SMOX: variants seen among roughly 807,000 people sequenced by gnomAD.
SMOX encodes the protein spermine oxidase.
A neutral mutation model predicts 51.0 loss-of-function variants in SMOX; 22 were observed. That is an observed-to-expected ratio of 0.43 (90% CI 0.31 to 0.62). SMOX has a LOEUF of 0.62. SMOX is among the 20% of genes least tolerant of loss of function. The probability of loss-of-function intolerance (pLI) is 0.10; values close to 1 mark genes in which losing one functional copy is unlikely to be tolerated. For missense variants in SMOX, 566 were observed against 777.7 expected, an observed-to-expected ratio of 0.73 and a Z score of 3.24; for synonymous variants, 282 against 307.8, an observed-to-expected ratio of 0.92 and a Z score of 0.88.
chr20:4,184,033 A>G (rs1184096764), intron 6 of SMOX, among the ~76,000 whole-genome samples: 1 of 151,756 alleles, frequency 6.6e-6, no homozygotes, highest in East Asian at 1.9e-4. Context: ...AGGCTGGGGT[A>G]TAGTGGTGTG....
At chr20:4,176,140 C>G (rs184403510) in intron 2 of SMOX, 1 of 151,830 alleles carries the variant, frequency 6.6e-6, no homozygotes, top group East Asian at 1.9e-4. Flanking sequence ...CCCGCCTCAG[C>G]CTCCGAAGTA....
Position 4,154,522 on chromosome 20 carries a change from C to T in SMOX, c.-27+5545C>T, listed in dbSNP as rs1985911961. 3.3e-5 allele frequency among the ~76,000 whole-genome samples: 5 copies of T among 152,076 alleles called. No individual in the cohort carries two copies. The South Asian group carries it at 1.0e-3, about 31-fold the overall frequency. ...TTCTGAGTAGCAGTAGCTGGGATTA[C>T]AGGTGCCCACCACCATCTTTAGTAG... On this transcript the variant is annotated intron_variant, in intron 1 of 6. Coordinates refer to ENST00000305958, the MANE Select transcript of SMOX (RefSeq NM_175839.3).
In SMOX at chr20:4,167,760, C is replaced by G. The variant is rs1394196127; in HGVS notation, c.-26-7270C>G. Among the ~76,000 whole-genome samples, 1 of 152,152 alleles carries G rather than the reference C, an allele frequency of 6.6e-6. No individual in the cohort carries two copies. The highest frequency in any genetic ancestry group is 1.5e-5 in the Non-Finnish European group (1 of 68,018). Reference sequence around the variant, plus strand: ...TGTTCCCCACACCTGTACCCCGATTCTCCCACCGTGGCAGCCCAGCCTGGC... The same window carrying G: ...TGTTCCCCACACCTGTACCCCGATTGTCCCACCGTGGCAGCCCAGCCTGGC... On this transcript the variant is annotated intron_variant, in intron 1 of 6. Transcript: ENST00000305958. The surrounding 1 kb of genome is among the most constrained non-coding windows in gnomAD (Gnocchi z 4.8).
At chr20:4,159,530 G>A (rs73076555) in intron 1 of SMOX, among the ~76,000 whole-genome samples, 26,201 of 152,118 alleles carry the variant, frequency 0.17, 2,554 homozygotes, top group East Asian at 0.39. Flanking sequence ...TGCCTCCTCT[G>A]TACTATGGGG....
chr20:4,180,627 T>C (rs1979249150), intron 3 of SMOX, among the ~76,000 whole-genome samples: 1 of 152,236 alleles, frequency 6.6e-6, no homozygotes. Flanking sequence ...CTTTATGCCC[T>C]GGACCCTGCC....
In SMOX at chr20:4,178,293, T is replaced by G. The variant is rs1979042256; in HGVS notation, c.435+716T>G. 5.3e-5 allele frequency among the ~76,000 whole-genome samples: 8 copies of G among 152,338 alleles called. No homozygotes were observed. In the South Asian group the frequency reaches 1.7e-3, roughly 32 times the overall value. ...ACTTCATGATCGGCCTACCTTGGCC[T>G]CCCAAAGTGCTGGGATTATAGGCGT... On this transcript the variant is annotated intron_variant, in intron 3 of 6. Transcript: ENST00000305958.
rs1985634251 is a variant in SMOX, at chr20:4,149,704, G to C, written c.-27+727G>C. Among the ~76,000 whole-genome samples, 1 of 152,218 alleles carries C rather than the reference G, an allele frequency of 6.6e-6. No individual in the cohort carries two copies. The highest frequency in any genetic ancestry group is 2.1e-4 in the South Asian group (1 of 4,832). ...CGAGGGCTCCTTTAGAGCAGTTGAG[G>C]GGCCCGCGGAGCTTGCGCCAGGGGG... On this transcript the variant is annotated intron_variant, in intron 1 of 6. Coordinates refer to ENST00000305958, the MANE Select transcript of SMOX (RefSeq NM_175839.3). The surrounding 1 kb of genome is among the most constrained non-coding windows in gnomAD (Gnocchi z 6.0).
chr20:4,179,975 CAA>C (rs1177711211), intron 3 of SMOX, among the ~76,000 whole-genome samples: 4 of 152,282 alleles, frequency 2.6e-5, no homozygotes, highest in South Asian at 4.1e-4. Flanking sequence ...GTGGCTGATG[CAA>C]AGAGTCATGT....
Position 4,150,892 on chromosome 20 carries a change from C to T in SMOX, c.-27+1915C>T, listed in dbSNP as rs562440540. Among the ~76,000 whole-genome samples the T allele has an allele frequency of 3.6e-5, 5 of 140,168 alleles. No homozygotes were observed. The South Asian group carries it at 9.0e-4, about 25-fold the overall frequency. The allele number at this position is 140,168 out of a possible 152,430, so 92.0% of individuals were successfully genotyped here. A position where few individuals can be genotyped will look rare whatever the true frequency, so the allele number is the denominator to read the frequency against. On this transcript the variant is annotated intron_variant, in intron 1 of 6. Transcript: ENST00000305958. ...TTTCGCCCAGGCTGGAGTGCAATGA[C>T]GTGATCTTGGCTCACCGCAACCTCC...
chr20:4,169,043 G>A (rs1431921901), intron 1 of SMOX, among the ~76,000 whole-genome samples: 2 of 151,958 alleles, frequency 1.3e-5, no homozygotes, highest in African/African-American at 4.8e-5. Flanking sequence ...GAACTCCCAG[G>A]CTCAAGCCAT....
Position 4,181,148 on chromosome 20 carries a change from G to A in SMOX, c.436-655G>A, listed in dbSNP as rs1979290542. On this transcript the variant is annotated intron_variant, in intron 3 of 6. Transcript: ENST00000305958. The surrounding 1 kb of genome is among the most constrained non-coding windows in gnomAD (Gnocchi z 5.6). ...GGAGTTCTTGCTGAAACGTGCCCGT[G>A]AAATGCATCTCCCTTCCTTGGCACA... 6.6e-6 allele frequency among the ~76,000 whole-genome samples: 1 copy of A among 152,164 alleles called. No homozygotes were observed. The highest frequency in any genetic ancestry group is 2.4e-5 in the African/African-American group (1 of 41,430).
rs945917399 is a variant in SMOX at position 4,167,258 on chromosome 20, C to T, written c.-26-7772C>T. Among the ~76,000 whole-genome samples, 1 of 152,068 alleles carries T rather than the reference C, an allele frequency of 6.6e-6. No homozygotes were observed. The highest frequency in any genetic ancestry group is 2.4e-5 in the African/African-American group (1 of 41,406). ...TCCAGCCTGATAGTAGGGTTGGGGC[C>T]AAGGTGAAGGCTGGGTTCTGAGCTC... is the stretch of plus-strand genomic sequence containing the variant. On this transcript the variant is annotated intron_variant, in intron 1 of 6. Coordinates refer to ENST00000305958, the MANE Select transcript of SMOX (RefSeq NM_175839.3). The surrounding 1 kb of genome is among the most constrained non-coding windows in gnomAD (Gnocchi z 4.8).
chr20:4,167,670 C>T lies in SMOX; in HGVS notation c.-26-7360C>T, dbSNP rs191741515. The stretch of plus-strand genomic sequence containing the variant: ...TAGAGATTGAGCTGGGGCCTGATTC[C>T]CAGGTCTGGGCCAGTGTTCTCTCCC... On this transcript the variant is annotated intron_variant, in intron 1 of 6. Transcript: ENST00000305958. This position sits in a 1 kb window ranked among gnomAD's most constrained non-coding sequence, Gnocchi z 4.8. 2.0e-4 allele frequency among the ~76,000 whole-genome samples: 31 copies of T among 152,178 alleles called. No individual in the cohort carries two copies. The highest frequency in any genetic ancestry group is 6.3e-4 in the African/African-American group (26 of 41,516).
chr20:4,175,353 C>A, intron 2 of SMOX, 90 bp downstream of exon 2: 1 of 1,418,414 alleles, frequency 7.1e-7, no homozygotes, highest in Non-Finnish European at 9.7e-7. Flanking sequence ...ATTATTTTAA[C>A]TTCTGGGATA....
intron 1 of SMOX, among the ~76,000 whole-genome samples, chr20:4,159,114 T>C (rs1054867940): frequency 2.0e-5 from 3 of 152,242 alleles, no homozygotes; most frequent in African/African-American, 4.8e-5. Flanking sequence ...TGAACTTGAC[T>C]TCTTCATTAG....
In SMOX at chr20:4,187,611, C is replaced by T. The variant is rs1022356551; in HGVS notation, c.*204C>T. Reference sequence around the variant, plus strand: ...GTGAGCAGGTGGGCCGTTGAGTTACCTCTGTGCTGGATCCCGTGCCCCCAC... The same window carrying T: ...GTGAGCAGGTGGGCCGTTGAGTTACTTCTGTGCTGGATCCCGTGCCCCCAC... On this transcript the variant is annotated 3_prime_UTR_variant, in exon 7 of 7. Transcript: ENST00000305958. This position sits in a 1 kb window ranked among gnomAD's most constrained non-coding sequence, Gnocchi z 4.8. 3.1e-6 allele frequency: 2 copies of T among 651,518 alleles called. No homozygotes were observed. The highest frequency in any genetic ancestry group is 5.0e-6 in the Non-Finnish European group (2 of 400,388). 40.4% of individuals were successfully genotyped at this position (651,518 alleles called of 1,614,324 possible). A position where few individuals can be genotyped will look rare whatever the true frequency, so the allele number is the denominator to read the frequency against.
intron 1 of SMOX, among the ~76,000 whole-genome samples, chr20:4,169,884 G>C (rs1263166479): frequency 1.3e-5 from 2 of 152,132 alleles, no homozygotes; most frequent in African/African-American, 4.8e-5. Flanking sequence ...AGGTGGGCGG[G>C]GCTGGGGAGG....
rs143966828 is a variant in SMOX at position 4,149,671 on chromosome 20, G to C, written c.-27+694G>C. ...GGGCTGAGGGAAGCCACTGCCCTGGGGTAGGGGCGAGGGCTCCTTTAGAGC... is the reference window on the plus strand; with the variant it reads ...GGGCTGAGGGAAGCCACTGCCCTGGCGTAGGGGCGAGGGCTCCTTTAGAGC... On this transcript the variant is annotated intron_variant, in intron 1 of 6. Transcript: ENST00000305958. This position sits in a 1 kb window ranked among gnomAD's most constrained non-coding sequence, Gnocchi z 6.0. 1.3e-3 allele frequency among the ~76,000 whole-genome samples: 192 copies of C among 152,316 alleles called. No individual in the cohort carries two copies. Among genetic ancestry groups the C allele is most frequent in the South Asian group, 4.3e-3 (21 of 4,828 alleles).
At position 4,183,533 on chromosome 20, in the gene SMOX, C is replaced by T. The variant is rs777990952; in HGVS notation, c.1409C>T (p.Ser470Leu). ...CCAAAACCTCGGCGAATCTTGCGCTCGGCCTGGGGCAGCAACCCTTACTTC... is the reference window on the plus strand; with the variant it reads ...CCAAAACCTCGGCGAATCTTGCGCTTGGCCTGGGGCAGCAACCCTTACTTC... ...NIPKPRRILRSAWGSNPYFRG... is the reference protein window; with the variant it reads ...NIPKPRRILRLAWGSNPYFRG... Residue 470 changes from serine to leucine, a missense_variant, in exon 6 of 7, where the codon TCG (serine) becomes TTG (leucine). By Grantham distance (145) the Ser-to-Leu change is moderately radical. This residue lies in a region of SMOX where 347 missense variants were observed against 481.8 expected (regional missense o/e 0.72). Transcript: ENST00000305958. This position sits in a 1 kb window ranked among gnomAD's most constrained non-coding sequence, Gnocchi z 4.3. 8.1e-6 allele frequency: 13 copies of T among 1,614,062 alleles called. No individual in the cohort carries two copies. Among genetic ancestry groups the T allele is most frequent in the South Asian group, 1.1e-5 (1 of 91,080 alleles).
Sources: allele counts gnomAD v4.1 joint callset (sites outside exome capture counted in the v4.1 genomes callset), GRCh38; gene constraint gnomAD v4.1.1; regional missense constraint gnomAD v4.1.1; non-coding constraint Gnocchi (gnomAD v3.1); transcripts MANE v1.5; gene names NCBI Gene and HGNC (gene_info 2026-07-23, HGNC 2026-07-21).